DCDC1: variants seen among roughly 807,000 people sequenced by gnomAD.
The protein encoded by DCDC1 is doublecortin domain containing 1.
A neutral mutation model predicts 178.3 loss-of-function variants in DCDC1; 200 were observed. The ratio of observed to expected loss-of-function variants is 1.12; its 90% CI spans 1.00 to 1.26. DCDC1 has a LOEUF of 1.26. Among genes scored for constraint, DCDC1 ranks in the 50% most tolerant of loss-of-function variants. DCDC1 has a pLI of 0.00. For synonymous variants in DCDC1, 690 were observed against 604.8 expected (o/e 1.14, Z -2.07); for missense variants, 1,983 against 1,749.2 (o/e 1.13, Z -2.38).
chr11:30,904,911 T>C, intron 31 of DCDC1, 50 bp downstream of exon 31: 2 of 1,603,988 alleles, frequency 1.2e-6, no homozygotes, highest in East Asian at 4.5e-5. Flanking sequence ...AGAATTGCCA[T>C]TGTCATTACC....
intron 6 of DCDC1, among the ~76,000 whole-genome samples, chr11:31,294,871 A>C (rs909292126): frequency 6.6e-6 from 1 of 151,280 alleles, no homozygotes; most frequent in Non-Finnish European, 1.5e-5. Flanking sequence ...AGAAAGAAAA[A>C]GAAAACAGAA....
At chr11:31,096,090 C>T (rs975794174) in intron 15 of DCDC1, among the ~76,000 whole-genome samples, 9 of 152,090 alleles carry the variant, frequency 5.9e-5, no homozygotes, top group African/African-American at 1.9e-4. Flanking sequence ...CAGGTACTAT[C>T]ATAAGGATAA....
At chr11:30,900,316 C>A in intron 33 of DCDC1, 30 bp downstream of exon 33, 2 of 1,485,366 alleles carry the variant, frequency 1.3e-6, no homozygotes, top group Non-Finnish European at 1.8e-6. Context: ...CATATACTTG[C>A]TTGAAAGAAA....
intron 15 of DCDC1, among the ~76,000 whole-genome samples, chr11:31,101,840 GC>G (rs1958523187): frequency 2.0e-5 from 3 of 152,260 alleles, no homozygotes; most frequent in Admixed American, 2.0e-4. Flanking sequence ...AATTTGGGAG[GC>G]CGAGGTGGAC....
chr11:31,041,131 G>C (rs1023729801), intron 20 of DCDC1, among the ~76,000 whole-genome samples: 2 of 152,178 alleles, frequency 1.3e-5, no homozygotes, highest in Admixed American at 6.5e-5. Context: ...GTTGTGCACT[G>C]TTCCATGCTC....
At chr11:31,323,856 CT>C (rs1419957416) in intron 3 of DCDC1, among the ~76,000 whole-genome samples, 1 of 152,078 alleles carries the variant, frequency 6.6e-6, no homozygotes, top group African/African-American at 2.4e-5. Context: ...TTTTATTAAA[CT>C]TCATCCTGCC....
At chr11:30,939,493 C>A (rs891099984) in intron 21 of DCDC1, among the ~76,000 whole-genome samples, 1 of 152,204 alleles carries the variant, frequency 6.6e-6, no homozygotes, top group Non-Finnish European at 1.5e-5. Context: ...CCAGGGCAGT[C>A]ACAACAGGTA....
At chr11:31,094,861 G>A (rs1958051425) in intron 15 of DCDC1, among the ~76,000 whole-genome samples, 2 of 151,892 alleles carry the variant, frequency 1.3e-5, no homozygotes, top group South Asian at 4.2e-4. Context: ...TGTTACATAG[G>A]TATACACGTG....
At chr11:31,149,367 C>T (rs1201483380) in intron 9 of DCDC1, among the ~76,000 whole-genome samples, 1 of 152,058 alleles carries the variant, frequency 6.6e-6, no homozygotes, top group Non-Finnish European at 1.5e-5. Context: ...TGTAAACGCA[C>T]CAATCAGCAC....
intron 18 of DCDC1, among the ~76,000 whole-genome samples, chr11:31,069,610 GACAAACAGTAGAAA>G (rs1423998172): frequency 6.6e-6 from 1 of 152,074 alleles, no homozygotes; most frequent in Non-Finnish European, 1.5e-5. Context: ...TAAAAAGCAA[GACAAACAGTAGAAA>G]ACAAACAGTA....
At chr11:31,094,963 G>A (rs1008788137) in intron 15 of DCDC1, among the ~76,000 whole-genome samples, 1 of 151,964 alleles carries the variant, frequency 6.6e-6, no homozygotes, top group African/African-American at 2.4e-5. Context: ...CCACTGACAG[G>A]CCCTGGTGTG....
intron 21 of DCDC1, among the ~76,000 whole-genome samples, chr11:30,939,040 G>C (rs1947464624): frequency 6.6e-6 from 1 of 152,068 alleles, no homozygotes; most frequent in Non-Finnish European, 1.5e-5. Context: ...CACAGACTGG[G>C]ACTCCACACT....
intron 1 of DCDC1, among the ~76,000 whole-genome samples, chr11:31,360,169 C>T (rs1951634573): frequency 6.6e-6 from 1 of 152,180 alleles, no homozygotes; most frequent in South Asian, 2.1e-4. Flanking sequence ...CTATTTATAA[C>T]TTACAGTTTC....
At chr11:30,895,190 T>G (rs979944937) in intron 34 of DCDC1, among the ~76,000 whole-genome samples, 32 of 152,192 alleles carry the variant, frequency 2.1e-4, no homozygotes, top group African/African-American at 7.7e-4. Context: ...AAACCTATAT[T>G]GAGCAACAGC....
At chr11:31,143,041 C>G (rs1055833596) in intron 9 of DCDC1, among the ~76,000 whole-genome samples, 1 of 151,834 alleles carries the variant, frequency 6.6e-6, no homozygotes. Flanking sequence ...TTTCCAGATA[C>G]AAATAGGTTA....
intron 38 of DCDC1, among the ~76,000 whole-genome samples, chr11:30,875,949 A>G (rs1472259317): frequency 5.3e-5 from 8 of 152,178 alleles, no homozygotes; most frequent in African/African-American, 1.7e-4. Flanking sequence ...TTTCAGGCAT[A>G]TTGCTTTTAG....
chr11:31,310,474 AC>A (rs1257151578), intron 3 of DCDC1, among the ~76,000 whole-genome samples: 10 of 151,776 alleles, frequency 6.6e-5, no homozygotes. Flanking sequence ...GCATGCAACC[AC>A]GCCCAGCTGA....
At chr11:31,021,923 C>T (rs1952903917) in intron 20 of DCDC1, among the ~76,000 whole-genome samples, 1 of 152,038 alleles carries the variant, frequency 6.6e-6, no homozygotes, top group Non-Finnish European at 1.5e-5. Context: ...TTTCAAAGGC[C>T]TTACAACAGC....
chr11:31,012,499 T>C (rs1248535029), intron 20 of DCDC1, among the ~76,000 whole-genome samples: 1 of 151,656 alleles, frequency 6.6e-6, no homozygotes, highest in Non-Finnish European at 1.5e-5. Flanking sequence ...CCAGCTACTC[T>C]GGAGGCTTAG....
Sources: allele counts gnomAD v4.1 joint callset (sites outside exome capture counted in the v4.1 genomes callset), GRCh38; gene constraint gnomAD v4.1.1; transcripts MANE v1.5; gene names NCBI Gene and HGNC (gene_info 2026-07-23, HGNC 2026-07-21).